DRC11: variants seen among roughly 807,000 people sequenced by gnomAD.
DRC11 encodes the protein IQ and AAA domain-containing protein 1.
At chr2:236,348,407 G>T in the DRC11 span, among the ~76,000 whole-genome samples, 5 of 152,204 alleles carry the variant, frequency 3.3e-5, no homozygotes, top group African/African-American at 1.2e-4. This position sits in a 1 kb window ranked among gnomAD's most constrained non-coding sequence, Gnocchi z 7.4. Flanking sequence ...AGAGGAATGG[G>T]ATGGGTCCGG....
the DRC11 span, among the ~76,000 whole-genome samples, chr2:236,353,745 G>C: frequency 6.6e-6 from 1 of 152,044 alleles, no homozygotes; most frequent in Non-Finnish European, 1.5e-5. This position sits in a 1 kb window ranked among gnomAD's most constrained non-coding sequence, Gnocchi z 5.0. Context: ...CCTGCCTGTG[G>C]AGGGTGCAGC....
chr2:236,375,938 T>C, the DRC11 span, among the ~76,000 whole-genome samples: 3 of 152,222 alleles, frequency 2.0e-5, no homozygotes, highest in Non-Finnish European at 4.4e-5. The surrounding 1 kb of genome is among the most constrained non-coding windows in gnomAD (Gnocchi z 4.2). Flanking sequence ...AAACGCTGCC[T>C]GAGAGGCTGC....
At chr2:236,481,253 C>A in the DRC11 span, among the ~76,000 whole-genome samples, 2 of 152,294 alleles carry the variant, frequency 1.3e-5, no homozygotes. Flanking sequence ...ATGATGCTTC[C>A]TGTAGGTTGA....
chr2:236,355,185 C>T, the DRC11 span, among the ~76,000 whole-genome samples: 3 of 152,192 alleles, frequency 2.0e-5, no homozygotes, highest in Non-Finnish European at 2.9e-5. Flanking sequence ...GTACAGACGC[C>T]GGCATCCCCA....
chr2:236,465,644 G>GCAGGCGGTCCACCTTT, the DRC11 span: 1 of 1,613,538 alleles, frequency 6.2e-7, no homozygotes, highest in Non-Finnish European at 8.5e-7. This position sits in a 1 kb window ranked among gnomAD's most constrained non-coding sequence, Gnocchi z 6.2. Context: ...ACCTCATTCC[G>GCAGGCGGTCCACCTTT]CAGGCGGTCC....
chr2:236,475,212 A>T, the DRC11 span, among the ~76,000 whole-genome samples: 1 of 152,182 alleles, frequency 6.6e-6, no homozygotes, highest in Non-Finnish European at 1.5e-5. The surrounding 1 kb of genome is among the most constrained non-coding windows in gnomAD (Gnocchi z 4.8). Flanking sequence ...TCCCACGTAC[A>T]AGTGAGAATA....
At chr2:236,452,016 G>A in the DRC11 span, among the ~76,000 whole-genome samples, 3 of 152,170 alleles carry the variant, frequency 2.0e-5, no homozygotes, top group African/African-American at 7.2e-5. This position sits in a 1 kb window ranked among gnomAD's most constrained non-coding sequence, Gnocchi z 4.7. Context: ...GGAGGGCAAT[G>A]TTAATTTTTT....
the DRC11 span, among the ~76,000 whole-genome samples, chr2:236,475,793 A>T: frequency 6.6e-6 from 1 of 152,134 alleles, no homozygotes; most frequent in African/African-American, 2.4e-5. The surrounding 1 kb of genome is among the most constrained non-coding windows in gnomAD (Gnocchi z 4.8). Context: ...GCATATGGTT[A>T]TCCAGTTTTT....
At chr2:236,400,010 C>T in the DRC11 span, among the ~76,000 whole-genome samples, 1 of 152,222 alleles carries the variant, frequency 6.6e-6, no homozygotes, top group East Asian at 1.9e-4. The surrounding 1 kb of genome is among the most constrained non-coding windows in gnomAD (Gnocchi z 7.9). Context: ...AGCCACCACA[C>T]CCGGCCTGGT....
chr2:236,314,258 A>T, the DRC11 span, among the ~76,000 whole-genome samples: 1 of 152,342 alleles, frequency 6.6e-6, no homozygotes, highest in East Asian at 1.9e-4. This position sits in a 1 kb window ranked among gnomAD's most constrained non-coding sequence, Gnocchi z 4.5. Flanking sequence ...AAGTTATGTG[A>T]TCATCTCCAT....
the DRC11 span, among the ~76,000 whole-genome samples, chr2:236,326,264 C>A: frequency 1.3e-5 from 2 of 152,158 alleles, no homozygotes; most frequent in African/African-American, 4.8e-5. Flanking sequence ...TATCTTTAAA[C>A]AATTGTTCCT....
At chr2:236,482,111 ATATGTATAATTC>A in the DRC11 span, among the ~76,000 whole-genome samples, 1 of 150,546 alleles carries the variant, frequency 6.6e-6, no homozygotes, top group Non-Finnish European at 1.5e-5. The surrounding 1 kb of genome is among the most constrained non-coding windows in gnomAD (Gnocchi z 4.5). Context: ...TCTACATATT[ATATGTATAATTC>A]TATGTATAAT....
At chr2:236,421,188 C>A in the DRC11 span, among the ~76,000 whole-genome samples, 985 of 152,086 alleles carry the variant, frequency 6.5e-3, 7 homozygotes, top group African/African-American at 0.022. Context: ...AAGCTAGCAG[C>A]AGGCAAAAAA....
At chr2:236,503,693 CTG>C in the DRC11 span, 3 of 1,550,882 alleles carry the variant, frequency 1.9e-6, no homozygotes, top group Non-Finnish European at 2.6e-6. The surrounding 1 kb of genome is among the most constrained non-coding windows in gnomAD (Gnocchi z 4.9). Context: ...TCCCTCGAGA[CTG>C]TCTCTGGCTT....
chr2:236,489,273 T>C, the DRC11 span, among the ~76,000 whole-genome samples: 1 of 110,492 alleles, frequency 9.1e-6, no homozygotes, highest in African/African-American at 3.6e-5. Flanking sequence ...TCTGGGTGCA[T>C]ACTGGGGCCT....
At chr2:236,423,775 A>G in the DRC11 span, among the ~76,000 whole-genome samples, 2 of 152,150 alleles carry the variant, frequency 1.3e-5, no homozygotes, top group Non-Finnish European at 2.9e-5. Context: ...GGCACTATTC[A>G]CTATAGCAAA....
the DRC11 span, chr2:236,363,962 C>T: frequency 1.9e-6 from 3 of 1,613,810 alleles, no homozygotes; most frequent in Admixed American, 3.3e-5. The surrounding 1 kb of genome is among the most constrained non-coding windows in gnomAD (Gnocchi z 5.6). Context: ...GGAGCTTTCT[C>T]ATGCACTGCT....
At chr2:236,333,344 T>A in the DRC11 span, 1 of 152,692 alleles carries the variant, frequency 6.5e-6, no homozygotes, top group East Asian at 1.9e-4. The surrounding 1 kb of genome is among the most constrained non-coding windows in gnomAD (Gnocchi z 6.0). Flanking sequence ...CTTGTCTAAA[T>A]ATAACTGTTG....
the DRC11 span, chr2:236,331,886 T>C: frequency 1.3e-5 from 5 of 373,236 alleles, no homozygotes; most frequent in Non-Finnish European, 2.5e-5. The surrounding 1 kb of genome is among the most constrained non-coding windows in gnomAD (Gnocchi z 4.8). Context: ...TTTAATGTGG[T>C]ACCTGTAAAG....
Sources: gnomAD v4.1 joint callset for allele counts (sites outside exome capture counted in the v4.1 genomes callset) on GRCh38, gnomAD v4.1.1 for gene constraint, Gnocchi (gnomAD v3.1) non-coding constraint, MANE v1.5 for transcripts, NCBI Gene and HGNC (gene_info 2026-07-23, HGNC 2026-07-21) for gene names.